Variants in MORC1 observed in about 807,000 individuals in gnomAD.
The protein encoded by MORC1 is MORC family CW-type zinc finger 1.
Under a neutral mutation model 134.9 loss-of-function variants are expected in MORC1, and 59 were observed. The observed-to-expected ratio is 0.44, with a 90% CI of 0.35 to 0.54. The LOEUF (loss-of-function observed/expected upper bound fraction) is 0.54. Among genes scored for constraint, MORC1 ranks in the 20% least tolerant of loss-of-function variants. The pLI is 0.00. For synonymous variants in MORC1, 395 were observed against 391.7 expected, an observed-to-expected ratio of 1.01 and a Z score of -0.10; for missense variants, 947 against 1,134.5, an observed-to-expected ratio of 0.83 and a Z score of 2.37.
intron 11 of MORC1, among the ~76,000 whole-genome samples, chr3:109,061,512 T>C (rs1950083486): frequency 6.6e-6 from 1 of 152,210 alleles, no homozygotes; most frequent in Non-Finnish European, 1.5e-5. Flanking sequence ...TTATTAATAT[T>C]CATAATTACA....
At chr3:109,113,142 G>C (rs370286320) in intron 2 of MORC1, among the ~76,000 whole-genome samples, 5 of 152,204 alleles carry the variant, frequency 3.3e-5, no homozygotes, top group East Asian at 3.9e-4. Context: ...CGATGACATA[G>C]GAGGAGCCTT....
chr3:109,073,299 T>C (rs1317945311), intron 8 of MORC1, among the ~76,000 whole-genome samples: 3 of 152,150 alleles, frequency 2.0e-5, no homozygotes, highest in Non-Finnish European at 2.9e-5. Context: ...CAGAAACTAA[T>C]GTTCTGTGGC....
intron 21 of MORC1, among the ~76,000 whole-genome samples, chr3:108,988,001 G>C (rs1947941468): frequency 6.6e-6 from 1 of 152,120 alleles, no homozygotes; most frequent in Non-Finnish European, 1.5e-5. Flanking sequence ...CTTCATGTAA[G>C]ATAGGGAGCT....
chr3:108,996,286 G>GCGCGCACACACACA, intron 21 of MORC1, among the ~76,000 whole-genome samples: 133 of 146,466 alleles, frequency 9.1e-4, no homozygotes, highest in African/African-American at 2.9e-3. Context: ...GCGCGCGCGC[G>GCGCGCACACACACA]CACACACACA....
intron 15 of MORC1, among the ~76,000 whole-genome samples, chr3:109,033,292 GGAAGGAAGGA>G (rs1559907108): frequency 1.1e-3 from 40 of 36,948 alleles, no homozygotes; most frequent in Admixed American, 3.1e-3. Flanking sequence ...AAAGGAGGAA[GGAAGGAAGGA>G]AGGAAGGAAG....
At chr3:109,046,749 CAT>C (rs755460388) in intron 14 of MORC1, among the ~76,000 whole-genome samples, 4 of 152,084 alleles carry the variant, frequency 2.6e-5, no homozygotes, top group Non-Finnish European at 5.9e-5. Flanking sequence ...AAGTATACAA[CAT>C]GTGTTATAGG....
intron 8 of MORC1, among the ~76,000 whole-genome samples, chr3:109,088,135 C>T (rs1214885342): frequency 6.6e-6 from 1 of 152,034 alleles, no homozygotes; most frequent in Non-Finnish European, 1.5e-5. Context: ...GGAAGACAAC[C>T]TAGGTAATAC....
At chr3:108,967,799 G>A (rs1322110636) in intron 26 of MORC1, among the ~76,000 whole-genome samples, 1 of 152,000 alleles carries the variant, frequency 6.6e-6, no homozygotes, top group African/African-American at 2.4e-5. Flanking sequence ...ATCAGCCTGG[G>A]CAATGTAGCA....
chr3:109,111,050 T>TAAAAAAAAAAAAAAAAAA (rs11344763), intron 2 of MORC1, among the ~76,000 whole-genome samples: 4 of 113,874 alleles, frequency 3.5e-5, no homozygotes, highest in Non-Finnish European at 7.4e-5. Context: ...GGATATAATT[T>TAAAAAAAAAAAAAAAAAA]AAAAAAAAAA....
At chr3:109,099,595 C>T (rs1950889120) in intron 5 of MORC1, 129 bp from the exon 6 acceptor site, 2 of 600,080 alleles carry the variant, frequency 3.3e-6, no homozygotes, top group Admixed American at 4.1e-5. Context: ...GACCCGTCAT[C>T]AAGAGGGTAC....
chr3:108,992,020 C>T (rs1051496416), intron 21 of MORC1, among the ~76,000 whole-genome samples: 10 of 152,134 alleles, frequency 6.6e-5, no homozygotes, highest in African/African-American at 2.2e-4. Flanking sequence ...AAGCCATTAT[C>T]CCAATCTGAT....
intron 11 of MORC1, among the ~76,000 whole-genome samples, chr3:109,060,193 C>T (rs1950047583): frequency 6.6e-6 from 1 of 151,550 alleles, no homozygotes; most frequent in African/African-American, 2.4e-5. Context: ...ATTTAGTGTA[C>T]CCAGGCTCTG....
chr3:109,117,353 A>G (rs1951295396), intron 1 of MORC1, among the ~76,000 whole-genome samples: 3 of 139,126 alleles, frequency 2.2e-5, no homozygotes, highest in Admixed American at 7.3e-5. Flanking sequence ...AAAAAAAAAA[A>G]GAAACATAAA....
intron 23 of MORC1, 33 bp from the exon 24 acceptor site, chr3:108,979,700 T>G (rs1947659782): frequency 1.2e-6 from 2 of 1,604,622 alleles, no homozygotes; most frequent in South Asian, 2.2e-5. Context: ...AGAAATCATG[T>G]TAGGTATTAA....
intron 25 of MORC1, 83 bp downstream of exon 25, chr3:108,971,247 T>TA: frequency 7.9e-7 from 1 of 1,267,648 alleles, no homozygotes; most frequent in Non-Finnish European, 1.1e-6. Context: ...TAGGTCCTCT[T>TA]ATTGGAAACA....
chr3:109,017,250 C>T (rs980779823), intron 17 of MORC1, among the ~76,000 whole-genome samples: 23 of 152,152 alleles, frequency 1.5e-4, no homozygotes, highest in African/African-American at 5.3e-4. Context: ...TACTTGCATA[C>T]TTAATTTAAT....
chr3:109,009,207 GTT>G lies in MORC1; in HGVS notation c.1705-2118_1705-2117del, dbSNP rs72433903. 5.6e-3 allele frequency among the ~76,000 whole-genome samples: 670 copies of G among 118,786 alleles called. 10 individuals carry two copies. Among genetic ancestry groups the G allele is most frequent in the African/African-American group, 0.025 (641 of 25,562 alleles). 77.9% of individuals were successfully genotyped at this position (118,786 alleles called of 152,430 possible). Reference sequence around the variant, plus strand: ...CTTTCCTATTTTTACGTTTTTTGTTGTTTTTTTTTTTTTTTTTGAGACAGAGT... The same window carrying G: ...CTTTCCTATTTTTACGTTTTTTGTTGTTTTTTTTTTTTTTTGAGACAGAGT... On this transcript the variant is annotated intron_variant, in intron 17 of 27. Transcript: ENST00000232603.
At chr3:109,086,350 A>G (rs1047186326) in intron 8 of MORC1, among the ~76,000 whole-genome samples, 2 of 152,036 alleles carry the variant, frequency 1.3e-5, no homozygotes, top group African/African-American at 4.8e-5. Context: ...GAAAATATGT[A>G]TATCTATTAT....
At chr3:109,069,856 A>G (rs894713198) in intron 8 of MORC1, 99 bp from the exon 9 acceptor site, 5 of 1,238,756 alleles carry the variant, frequency 4.0e-6, no homozygotes, top group South Asian at 2.2e-5. Context: ...TATTGTTACT[A>G]CAAGAAGCTT....
Sources: allele counts gnomAD v4.1 joint callset (sites outside exome capture counted in the v4.1 genomes callset), GRCh38; gene constraint gnomAD v4.1.1; transcripts MANE v1.5; gene names NCBI Gene and HGNC (gene_info 2026-07-23, HGNC 2026-07-21).